Variants in SMARCA2 observed in about 807,000 individuals in gnomAD.
SMARCA2 encodes the protein SWI/SNF related BAF chromatin remodeling complex subunit ATPase 2, also known as SWI/SNF-related matrix-associated actin-dependent regulator of chromatin subfamily A member 2.
Under a neutral mutation model 199.8 loss-of-function variants are expected in SMARCA2, and 61 were observed. The observed-to-expected ratio is 0.31, with a 90% CI of 0.25 to 0.38. The LOEUF is 0.38. Ranked by LOEUF, SMARCA2 falls within the 10% of genes least tolerant of loss-of-function variation. SMARCA2 has a pLI of 1.00. For synonymous variants in SMARCA2, 935 were observed against 732.0 expected, an observed-to-expected ratio of 1.28 and a Z score of -4.48; for missense variants, 1,344 against 2,012.2, an observed-to-expected ratio of 0.67 and a Z score of 6.35.
chr9:2,175,444 T>A (rs1445409089), intron 29 of SMARCA2, among the ~76,000 whole-genome samples: 1 of 152,182 alleles, frequency 6.6e-6, no homozygotes, highest in Non-Finnish European at 1.5e-5. Flanking sequence ...ATTCTGATGG[T>A]TGCAACATAC....
At chr9:2,058,230 C>T in intron 7 of SMARCA2, 61 bp from the exon 8 acceptor site, 10 of 1,436,390 alleles carry the variant, frequency 7.0e-6, no homozygotes, top group Non-Finnish European at 2.0e-6. Context: ...ACACTGATAG[C>T]TCAGAGGACA....
intron 2 of SMARCA2, 124 bp downstream of exon 2, chr9:2,029,371 A>G (rs956635353): frequency 4.9e-5 from 64 of 1,314,064 alleles, no homozygotes; most frequent in Non-Finnish European, 5.8e-5. Context: ...TGTCTTGTAT[A>G]TCTCATATAT....
intron 1 of SMARCA2, among the ~76,000 whole-genome samples, chr9:2,019,122 T>TTG (rs1818489981): frequency 6.6e-6 from 1 of 151,474 alleles, no homozygotes; most frequent in Admixed American, 6.6e-5. Flanking sequence ...AAGATACTTA[T>TTG]TGCGGTAGAC....
chr9:2,105,403 G>A (rs560128000), intron 23 of SMARCA2, among the ~76,000 whole-genome samples: 2 of 141,884 alleles, frequency 1.4e-5, no homozygotes, highest in South Asian at 2.1e-4. Context: ...GTGCCACCAC[G>A]CCCGGCTAAT....
At chr9:2,046,916 T>C (rs1263145518) in intron 4 of SMARCA2, among the ~76,000 whole-genome samples, 4 of 152,218 alleles carry the variant, frequency 2.6e-5, no homozygotes, top group Admixed American at 6.5e-5. Context: ...CACCGTCATT[T>C]TGGGATCATT....
intron 3 of SMARCA2, among the ~76,000 whole-genome samples, chr9:2,036,202 G>A (rs1032838108): frequency 2.6e-5 from 4 of 151,518 alleles, no homozygotes; most frequent in African/African-American, 9.7e-5. Flanking sequence ...GTGTGTGTGT[G>A]TTTGTATGTG....
intron 27 of SMARCA2, among the ~76,000 whole-genome samples, chr9:2,151,191 G>T (rs962373461): frequency 6.6e-6 from 1 of 151,426 alleles, no homozygotes; most frequent in South Asian, 2.1e-4. Flanking sequence ...ATTTGTTAGC[G>T]AGCGTCTGTT....
At chr9:2,131,534 A>G (rs6475524) in intron 27 of SMARCA2, among the ~76,000 whole-genome samples, 26,328 of 152,118 alleles carry the variant, frequency 0.17, 4,605 homozygotes, top group African/African-American at 0.45. Flanking sequence ...GCAGAAAGAC[A>G]GAACACCCTC....
intron 24 of SMARCA2, among the ~76,000 whole-genome samples, chr9:2,114,387 G>C (rs1041511497): frequency 6.6e-6 from 1 of 152,054 alleles, no homozygotes; most frequent in African/African-American, 2.4e-5. Flanking sequence ...AAATCTCCAG[G>C]GCAGCCTTTT....
intron 16 of SMARCA2, among the ~76,000 whole-genome samples, chr9:2,083,717 T>G (rs1821668817): frequency 1.3e-5 from 2 of 152,268 alleles, no homozygotes; most frequent in Admixed American, 1.3e-4. Context: ...GGGCTGCTAC[T>G]GTGCTGACTG....
At chr9:2,159,885 T>G in intron 27 of SMARCA2, 1 of 1,612,042 alleles carries the variant, frequency 6.2e-7, no homozygotes, top group South Asian at 1.1e-5. Context: ...TGATTTCTGA[T>G]AGCCGGCCTG....
Position 2,074,795 on chromosome 9 carries a change from G to A in SMARCA2, c.1935+1172G>A, listed in dbSNP as rs183758009. On this transcript the variant is annotated intron_variant, in intron 12 of 33. Coordinates refer to ENST00000349721, the MANE Select transcript of SMARCA2 (RefSeq NM_003070.5). Reference sequence around the variant, plus strand: ...GGTAGGAGGATGGCTTGAGCCCTGGGCAGAGACTGCAGTGAGCTGAGGTCG... The same window carrying A: ...GGTAGGAGGATGGCTTGAGCCCTGGACAGAGACTGCAGTGAGCTGAGGTCG... 1.5e-3 allele frequency among the ~76,000 whole-genome samples: 230 copies of A among 152,300 alleles called. 1 individual carries two copies. The highest frequency in any genetic ancestry group is 5.4e-3 in the African/African-American group (226 of 41,570).
At chr9:2,082,429 A>G (rs1219527521) in intron 15 of SMARCA2, among the ~76,000 whole-genome samples, 1 of 152,158 alleles carries the variant, frequency 6.6e-6, no homozygotes, top group Non-Finnish European at 1.5e-5. Context: ...CAGAACATAA[A>G]TCAAAATCAT....
chr9:2,114,284 C>T (rs942469879), intron 24 of SMARCA2, among the ~76,000 whole-genome samples: 6 of 152,302 alleles, frequency 3.9e-5, no homozygotes, highest in Admixed American at 3.9e-4. Flanking sequence ...TGGCTTAGCA[C>T]TATGATATTT....
chr9:2,192,576 G>GAA (rs1827959925), intron 33 of SMARCA2, 128 bp from the exon 34 acceptor site: 1 of 753,124 alleles, frequency 1.3e-6, no homozygotes, highest in African/African-American at 1.7e-5. Context: ...TCCTCCCACG[G>GAA]AAAGAGATTT....
intron 5 of SMARCA2, among the ~76,000 whole-genome samples, chr9:2,049,016 AT>A (rs902505155): frequency 6.6e-6 from 1 of 152,034 alleles, no homozygotes; most frequent in Non-Finnish European, 1.5e-5. Context: ...AAGAGCTGAT[AT>A]TTTTTTTCCT....
At chr9:2,107,654 C>A (rs1476373380) in intron 23 of SMARCA2, among the ~76,000 whole-genome samples, 1 of 152,166 alleles carries the variant, frequency 6.6e-6, no homozygotes, top group Non-Finnish European at 1.5e-5. Flanking sequence ...TATGGTTGGC[C>A]TGTTTGCTTG....
chr9:2,177,643 C>T (rs553675956), intron 29 of SMARCA2, among the ~76,000 whole-genome samples: 1 of 152,210 alleles, frequency 6.6e-6, no homozygotes, highest in South Asian at 2.1e-4. Context: ...ACCTCCGCCT[C>T]CTGGGTTCAA....
Position 2,060,731 on chromosome 9 carries a change from G to C in SMARCA2, c.1522-85G>C, listed in dbSNP as rs1586660221. 8.4e-6 allele frequency: 11 copies of C among 1,304,624 alleles called. No homozygotes were observed. The East Asian group carries it at 2.6e-4, about 31-fold the overall frequency. The allele number at this position is 1,304,624 out of a possible 1,614,324, so 80.8% of individuals were successfully genotyped here. On this transcript the variant is annotated intron_variant, in intron 8 of 33. Coordinates refer to ENST00000349721, the MANE Select transcript of SMARCA2 (RefSeq NM_003070.5). ...CTACACTCCTACCAGTCAAAATGCAGACTGTCAAGGGGAGGACAGAGTGGA... is the reference window on the plus strand; with the variant it reads ...CTACACTCCTACCAGTCAAAATGCACACTGTCAAGGGGAGGACAGAGTGGA...
Sources: allele counts gnomAD v4.1 joint callset (sites outside exome capture counted in the v4.1 genomes callset), GRCh38; gene constraint gnomAD v4.1.1; transcripts MANE v1.5; gene names NCBI Gene and HGNC (gene_info 2026-07-23, HGNC 2026-07-21).